Variants in HDX observed in about 807,000 individuals in gnomAD.
The protein encoded by HDX is chromosome X open reading frame 43.
HDX carries 19 observed loss-of-function variants against 45.2 expected under a neutral mutation model. The ratio of observed to expected loss-of-function variants is 0.42; its 90% CI spans 0.29 to 0.62. HDX has a LOEUF of 0.62. Among genes scored for constraint, HDX ranks in the 20% least tolerant of loss-of-function variants. The probability of loss-of-function intolerance (pLI) is 0.20; values close to 1 mark genes in which losing one functional copy is unlikely to be tolerated. For missense variants in HDX, 532 were observed against 493.9 expected (o/e 1.08, Z -0.73); for synonymous variants, 188 against 172.8 (o/e 1.09, Z -0.69).
At chrX:84,459,129 C>T (rs140081864) in intron 4 of HDX, among the ~76,000 whole-genome samples, 1,497 of 111,525 alleles carry the variant, frequency 0.013, 35 homozygotes, top group African/African-American at 0.047. Flanking sequence ...TGTTCCTGAA[C>T]GATCAGTAGG....
intron 2 of HDX, among the ~76,000 whole-genome samples, chrX:84,482,095 A>AT (rs1293825719): frequency 9.0e-6 from 1 of 111,673 alleles, no homozygotes; most frequent in Admixed American, 9.5e-5. Flanking sequence ...TATGTACCAC[A>AT]TTTTCTTTGT....
chrX:84,389,315 G>T (rs1008276546), intron 5 of HDX, among the ~76,000 whole-genome samples: 3 of 111,770 alleles, frequency 2.7e-5, no homozygotes, highest in Non-Finnish European at 5.6e-5. Context: ...GGGCCAAAGG[G>T]CCACCTCAGG....
rs1179935530 is a variant in HDX, at chrX:84,358,776, GC to G, written c.1452+2689del. On this transcript the variant is annotated intron_variant, in intron 6 of 10. Coordinates refer to ENST00000373177, the MANE Select transcript of HDX (RefSeq NM_001177479.2). Reference sequence around the variant, plus strand: ...GGAGTCTCATTAGGTTGTCCTGGCTGCACTTGAACTCTTGGGCTCAAGTGAT... The same window carrying G: ...GGAGTCTCATTAGGTTGTCCTGGCTGACTTGAACTCTTGGGCTCAAGTGAT... Among the ~76,000 whole-genome samples the G allele has an allele frequency of 1.9e-4, 21 of 111,888 alleles. No homozygotes were observed. In the Admixed American group the frequency reaches 1.9e-3, roughly 10 times the overall value.
intron 6 of HDX, among the ~76,000 whole-genome samples, chrX:84,357,489 C>A (rs1305563176): frequency 1.8e-5 from 2 of 111,643 alleles, no homozygotes; most frequent in Non-Finnish European, 3.8e-5. Flanking sequence ...CTACATAATT[C>A]AAATGTGTAA....
intron 5 of HDX, among the ~76,000 whole-genome samples, chrX:84,364,055 T>C (rs1490686721): frequency 2.7e-5 from 3 of 112,022 alleles, no homozygotes; most frequent in Non-Finnish European, 3.8e-5. Context: ...TTTCTCAGCC[T>C]CAAGGACACT....
chrX:84,479,551 T>C (rs927657506), intron 2 of HDX, among the ~76,000 whole-genome samples: 2 of 112,169 alleles, frequency 1.8e-5, no homozygotes, highest in African/African-American at 6.5e-5. Flanking sequence ...TAAGTTTTCA[T>C]TTCTCTTGAG....
At chrX:84,406,482 AC>A (rs2038826187) in intron 5 of HDX, among the ~76,000 whole-genome samples, 1 of 79,275 alleles carries the variant, frequency 1.3e-5, no homozygotes, top group African/African-American at 4.3e-5. Context: ...ACACACACAC[AC>A]ACACACACAC....
intron 1 of HDX, among the ~76,000 whole-genome samples, chrX:84,489,415 C>A (rs1340888407): frequency 9.0e-6 from 1 of 111,511 alleles, no homozygotes; most frequent in Non-Finnish European, 1.9e-5. Flanking sequence ...TTAAATTATT[C>A]TTAACAACAC....
intron 8 of HDX, among the ~76,000 whole-genome samples, chrX:84,336,342 A>G (rs1461100867): frequency 1.8e-5 from 2 of 111,053 alleles, no homozygotes; most frequent in East Asian, 5.7e-4. Flanking sequence ...TAATAGGAGG[A>G]AAAAAGTTCC....
intron 3 of HDX, among the ~76,000 whole-genome samples, chrX:84,474,820 G>T (rs936399178): frequency 1.8e-5 from 2 of 112,058 alleles, no homozygotes; most frequent in Non-Finnish European, 3.8e-5. Context: ...TTTAGAAAGA[G>T]AAAGTATTTA....
chrX:84,420,415 A>G (rs1426974143), intron 5 of HDX, among the ~76,000 whole-genome samples: 1 of 111,330 alleles, frequency 9.0e-6, no homozygotes, highest in Non-Finnish European at 1.9e-5. Flanking sequence ...GTATGAAGAC[A>G]AGCCATTTGA....
rs1178121899 is a variant in HDX, at chrX:84,378,889, C to T, written c.1306-17277G>A. Among the ~76,000 whole-genome samples the T allele has an allele frequency of 5.4e-5, 6 of 110,868 alleles. No individual in the cohort carries two copies. The East Asian group carries it at 1.7e-3, about 31-fold the overall frequency. ...ATGGATGAAAAATCAAGATGCATTT[C>T]ATTAATCTGTTGTCTACAAGAAACA... On this transcript the variant is annotated intron_variant, in intron 5 of 10. Transcript: ENST00000373177.
intron 5 of HDX, among the ~76,000 whole-genome samples, chrX:84,367,561 C>G (rs747902619): frequency 2.7e-5 from 3 of 112,258 alleles, no homozygotes; most frequent in Non-Finnish European, 5.6e-5. Context: ...CTTGTGTTTA[C>G]TGCAGCACTG....
At chrX:84,487,895 C>G (rs370329959) in intron 2 of HDX, 129 bp downstream of exon 2, 77 of 112,426 alleles carry the variant, frequency 6.8e-4, no homozygotes, top group African/African-American at 2.5e-3. Flanking sequence ...AGAATTTACT[C>G]TCACACTGTT....
intron 1 of HDX, among the ~76,000 whole-genome samples, chrX:84,494,731 GGTGGGGATTTAAATTA>G (rs1182477044): frequency 8.9e-6 from 1 of 111,742 alleles, no homozygotes; most frequent in Non-Finnish European, 1.9e-5. Flanking sequence ...GTACAACTTT[GGTGGGGATTTAAATTA>G]GTACAGTCAT....
Position 84,481,223 on chromosome X carries a change from CTTTA to C in HDX, c.1-5830_1-5827del, listed in dbSNP as rs2040673067. On this transcript the variant is annotated intron_variant, in intron 2 of 10. Coordinates refer to ENST00000373177, the MANE Select transcript of HDX (RefSeq NM_001177479.2). ...TGATATTGGTAAATTGTTTGTTCTT[CTTTA>C]TTTAGCATTTATTTAGTGATCTTTT... Among the ~76,000 whole-genome samples the C allele has an allele frequency of 2.0e-4, 22 of 110,988 alleles. No homozygotes were observed. In the South Asian group the frequency reaches 8.2e-3, roughly 41 times the overall value.
At chrX:84,412,855 G>T (rs1415374793) in intron 5 of HDX, among the ~76,000 whole-genome samples, 4 of 111,873 alleles carry the variant, frequency 3.6e-5, no homozygotes, top group Non-Finnish European at 7.5e-5. Flanking sequence ...CAGAGGTTTT[G>T]TACATTCTGT....
intron 5 of HDX, among the ~76,000 whole-genome samples, chrX:84,439,502 C>T (rs1293786046): frequency 9.0e-6 from 1 of 110,666 alleles, no homozygotes; most frequent in Admixed American, 9.7e-5. Flanking sequence ...GCAGGGTATT[C>T]CCTAGGTTTT....
intron 4 of HDX, among the ~76,000 whole-genome samples, chrX:84,467,415 T>C (rs948109756): frequency 1.8e-5 from 2 of 110,002 alleles, no homozygotes; most frequent in African/African-American, 3.3e-5. Flanking sequence ...TCATCTGAGG[T>C]GAGGAGTCCA....
Sources: allele counts gnomAD v4.1 joint callset (sites outside exome capture counted in the v4.1 genomes callset), GRCh38; gene constraint gnomAD v4.1.1; transcripts MANE v1.5; gene names NCBI Gene and HGNC (gene_info 2026-07-23, HGNC 2026-07-21).